The following INO80B variants were observed in gnomAD, a reference collection of about 807,000 sequenced individuals.
INO80B encodes the protein IES2 homolog.
Under a neutral mutation model 31.4 loss-of-function variants are expected in INO80B, and 18 were observed. The observed-to-expected ratio is 0.57, with a 90% CI of 0.40 to 0.85. The LOEUF (loss-of-function observed/expected upper bound fraction) is 0.85, where lower values mean the gene tolerates loss of function less well. Ranked by LOEUF, INO80B falls within the 40% of genes least tolerant of loss-of-function variation. The probability of loss-of-function intolerance (pLI) is 0.00; values close to 1 mark genes in which losing one functional copy is unlikely to be tolerated. For synonymous variants in INO80B, 238 were observed against 199.0 expected (o/e 1.20, Z -1.65); for missense variants, 469 against 475.4 (o/e 0.99, Z 0.13).
intron 4 of INO80B, 124 bp from the exon 5 acceptor site, chr2:74,457,210 G>A: frequency 1.1e-6 from 1 of 936,916 alleles, no homozygotes. Context: ...TCCCGCCTCC[G>A]AAGGCCTGCA....
rs1378664613 is a variant in INO80B, at chr2:74,457,766, A to C, written c.973A>C (p.Thr325Pro). 1 of 1,599,602 alleles carries C rather than the reference A, an allele frequency of 6.3e-7. No homozygotes were observed. The highest frequency in any genetic ancestry group is 8.5e-7 in the Non-Finnish European group (1 of 1,179,686). The change falls in exon 5 of 5, where the codon ACA (threonine) becomes CCA (proline). Residue 325 changes from threonine (T) to proline (P), a missense_variant. By Grantham distance (38) the Thr-to-Pro change is conservative. Coordinates refer to ENST00000233331, the MANE Select transcript of INO80B (RefSeq NM_031288.4). The part of the protein sequence containing the change: ...PHPRRYACSR[T>P]GQALCSLQCY... ...TCCGCGCCGCTACGCTTGCTCCCGC[A>C]CAGGCCAGGCACTCTGTAGTCTTCA... is the stretch of plus-strand genomic sequence containing the variant.
intron 1 of INO80B, 63 bp downstream of exon 1, chr2:74,455,237 C>T (rs559135758): frequency 5.7e-6 from 9 of 1,588,634 alleles, no homozygotes; most frequent in African/African-American, 1.3e-5. Flanking sequence ...TCTTGCTCCT[C>T]GGAGAGTCCA....
intron 4 of INO80B, among the ~76,000 whole-genome samples, chr2:74,456,507 G>A (rs1388681922): frequency 2.6e-5 from 4 of 152,226 alleles, no homozygotes; most frequent in South Asian, 4.1e-4. Flanking sequence ...GAAATAGAAA[G>A]TGGCGTAAAC....
At position 74,456,155 on chromosome 2, in the gene INO80B, A is replaced by C. The variant is rs752699404; in HGVS notation, c.423A>C (p.Leu141Phe). The C allele has an allele frequency of 6.2e-7, 1 of 1,612,578 alleles. No homozygotes were observed. The part of the protein sequence containing the change: ...PSPLRDLSGG[L>F]GGQEEEEEQR... ...CACTTCGGGACCTATCAGGAGGGTT[A>C]GGGGGTCAGGAGGAAGAGGAGGAAC... Residue 141 changes from leucine to phenylalanine, a missense_variant, in exon 4 of 5, where the codon TTA becomes TTC. Leu to Phe is a conservative substitution (Grantham distance 22). Around this residue, in one of 3 missense-constraint regions of INO80B, gnomAD observed 223 missense variants for 253.4 expected, o/e 0.88. Coordinates refer to ENST00000233331, the MANE Select transcript of INO80B (RefSeq NM_031288.4).
Position 74,456,348 on chromosome 2 carries a change from G to A in INO80B, c.540+76G>A, listed in dbSNP as rs1572913566. 10 of 1,480,120 alleles carry A rather than the reference G, an allele frequency of 6.8e-6. No individual in the cohort carries two copies. The South Asian group carries it at 8.1e-5, about 12-fold the overall frequency. 91.7% of individuals were successfully genotyped at this position (1,480,120 alleles called of 1,614,324 possible). Reference sequence around the variant, plus strand: ...ACTCTCCACGACCCACGCACTTTGCGTGGCATTGGGGATATCGATAGTAGA... The same window carrying A: ...ACTCTCCACGACCCACGCACTTTGCATGGCATTGGGGATATCGATAGTAGA... On this transcript the variant is annotated intron_variant, in intron 4 of 4. Coordinates refer to ENST00000233331, the MANE Select transcript of INO80B (RefSeq NM_031288.4).
In INO80B at chr2:74,457,727, C is replaced by T. The variant is rs750864653; in HGVS notation, c.934C>T (p.Pro312Ser). The change falls in exon 5 of 5, where the codon CCC becomes TCC. Residue 312 changes from proline to serine, a missense_variant. Pro to Ser is a moderately conservative substitution (Grantham distance 74, BLOSUM62 -1). Transcript: ENST00000233331. ...PSGPPPRCSV[P>S]GCPHPRRYAC... ...AGGCCCGCCGCCGCGCTGCTCTGTC[C>T]CCGGCTGTCCCCATCCGCGCCGCTA... is the stretch of plus-strand genomic sequence containing the variant. 57 of 1,600,398 alleles carry T rather than the reference C, an allele frequency of 3.6e-5. No homozygotes were observed. In the South Asian group the frequency reaches 6.0e-4, roughly 17 times the overall value.
Position 74,457,873 on chromosome 2 carries a change from A to T in INO80B, c.*9A>T, listed in dbSNP as rs1572914883. The T allele has an allele frequency of 2.6e-6, 4 of 1,520,632 alleles. No homozygotes were observed. The highest frequency in any genetic ancestry group is 3.5e-6 in the Non-Finnish European group (4 of 1,141,254). The allele number at this position is 1,520,632 out of a possible 1,614,324, so 94.2% of individuals were successfully genotyped here. On this transcript the variant is annotated 3_prime_UTR_variant, in exon 5 of 5. Coordinates refer to ENST00000233331, the MANE Select transcript of INO80B (RefSeq NM_031288.4). ...CCCTTTTGGCTACGTAAGGCCCTTAACCCGGACTCTGCGCCCCGTCCCATG... is the reference window on the plus strand; with the variant it reads ...CCCTTTTGGCTACGTAAGGCCCTTATCCCGGACTCTGCGCCCCGTCCCATG...
chr2:74,456,124 C>T lies in INO80B; in HGVS notation c.392C>T (p.Pro131Leu). 1 of 1,599,956 alleles carries T rather than the reference C, an allele frequency of 6.3e-7. No homozygotes were observed. The highest frequency in any genetic ancestry group is 8.5e-7 in the Non-Finnish European group (1 of 1,172,968). ...AWLDEDSNLS[P>L]SPLRDLSGGL... ...CCAGATGAAGACAGTAATCTCTCTC[C>T]CTCTCCACTTCGGGACCTATCAGGA... Residue 131 changes from proline (P) to leucine (L), a missense_variant, in exon 4 of 5, where the codon CCC becomes CTC. By Grantham distance (98) the Pro-to-Leu change is moderately conservative. This residue lies in a region of INO80B where 223 missense variants were observed against 253.4 expected (regional missense o/e 0.88). Coordinates refer to ENST00000233331, the MANE Select transcript of INO80B (RefSeq NM_031288.4).
intron 3 of INO80B, 28 bp from the exon 4 acceptor site, chr2:74,456,075 G>A (rs771975786): frequency 1.8e-5 from 29 of 1,576,482 alleles, no homozygotes; most frequent in Non-Finnish European, 2.4e-5. Context: ...GAACAATTCT[G>A]TTTTTCTTTC....
chr2:74,455,984 A>G, intron 3 of INO80B, 48 bp downstream of exon 3: 2 of 1,552,800 alleles, frequency 1.3e-6, no homozygotes, highest in East Asian at 2.2e-5. Context: ...ATACCCGCCT[A>G]AAGAAAGAAG....
In INO80B at chr2:74,455,437, C is replaced by T. The variant is rs776542331; in HGVS notation, c.90C>T (p.Ala30=). 1 of 1,614,090 alleles carries T rather than the reference C, an allele frequency of 6.2e-7. No homozygotes were observed. The highest frequency in any genetic ancestry group is 1.1e-5 in the South Asian group (1 of 91,074). The change falls in exon 2 of 5, where the codon GCC becomes GCT. Residue 30 remains alanine (A), a synonymous_variant. Transcript: ENST00000233331. The part of the protein sequence containing the change: ...GEALELSLAG[A]HGHGVHKKKH... ...CCCTGGAGTTGAGCCTGGCGGGTGC[C>T]CATGGCCATGGAGTGCACAAGAAAA...
Position 74,457,451 on chromosome 2 carries a change from G to T in INO80B, c.658G>T (p.Ala220Ser). The change falls in exon 5 of 5, where the codon GCG becomes TCG. Residue 220 changes from alanine to serine, a missense_variant. Physicochemically the swap from Ala to Ser is moderately conservative, Grantham distance 99. This residue lies in a region of INO80B where 45 missense variants were observed against 70.3 expected (regional missense o/e 0.64). Transcript: ENST00000233331. ...EEMLLKREER[A>S]RKRRLQAARR... ...GATGCTGCTGAAGCGCGAGGAGCGG[G>T]CGCGGAAGCGGCGGCTCCAGGCGGC... 6.4e-7 allele frequency: 1 copy of T among 1,572,532 alleles called. No homozygotes were observed. The highest frequency in any genetic ancestry group is 1.8e-5 in the Admixed American group (1 of 54,264).
In INO80B at chr2:74,457,811, C is replaced by T; in HGVS notation, c.1018C>T (p.Gln340Ter). 1 of 1,590,286 alleles carries T rather than the reference C, an allele frequency of 6.3e-7. No homozygotes were observed. Among genetic ancestry groups the T allele is most frequent in the Non-Finnish European group, 8.5e-7 (1 of 1,176,012 alleles). ...CSLQCYRINL[Q>*]MRLGGPEGPG... Reference sequence around the variant, plus strand: ...TCTTCAGTGCTACCGCATCAACCTGCAGATGCGGCTGGGGGGGCCCGAGGG... The same window carrying T: ...TCTTCAGTGCTACCGCATCAACCTGTAGATGCGGCTGGGGGGGCCCGAGGG... Residue 340 changes from glutamine to a stop codon, truncating the protein, a stop_gained, in exon 5 of 5, where the codon CAG becomes TAG. Transcript: ENST00000233331. LOFTEE classifies it high-confidence loss of function.
intron 4 of INO80B, 29 bp downstream of exon 4, chr2:74,456,301 C>A (rs202221655): frequency 9.3e-6 from 15 of 1,611,468 alleles, no homozygotes; most frequent in African/African-American, 1.3e-5. Context: ...TATTCACTCA[C>A]CAAATGTATA....
chr2:74,455,950 G>C lies in INO80B; in HGVS notation c.370+14G>C, dbSNP rs1310899338. 10 of 1,589,250 alleles carry C rather than the reference G, an allele frequency of 6.3e-6. No individual in the cohort carries two copies. In the Admixed American group the frequency reaches 1.0e-4, roughly 16 times the overall value. ...GTGCCTGGCTGGGTGAGGATCTGGA[G>C]GTGGGGAAACTGGGTTTCTTATTAT... On this transcript the variant is annotated intron_variant, in intron 3 of 4. Transcript: ENST00000233331.
intron 4 of INO80B, 70 bp downstream of exon 4, chr2:74,456,342 C>A: frequency 3.3e-6 from 5 of 1,494,514 alleles, no homozygotes; most frequent in Non-Finnish European, 4.6e-6. Flanking sequence ...GACCCACGCA[C>A]TTTGCGTGGC....
chr2:74,456,701 G>A (rs112892736), intron 4 of INO80B, among the ~76,000 whole-genome samples: 1 of 152,386 alleles, frequency 6.6e-6, no homozygotes, highest in African/African-American at 2.4e-5. Flanking sequence ...GCTGTACGCA[G>A]AGAAGTGACA....
chr2:74,455,142 G>A lies in INO80B; in HGVS notation c.26G>A (p.Ser9Asn), dbSNP rs1671659385. The change falls in exon 1 of 5, where the codon AGC (serine) becomes AAC (asparagine). Residue 9 changes from serine to asparagine, a missense_variant. Ser to Asn is a conservative substitution (Grantham distance 46, BLOSUM62 1). Around this residue, in one of 3 missense-constraint regions of INO80B, gnomAD observed 223 missense variants for 253.4 expected, o/e 0.88. Transcript: ENST00000233331. MSKLWRRGSTSGAMEAPEP... is the reference protein window; with the variant it reads MSKLWRRGNTSGAMEAPEP... ...ATGAGTAAGCTGTGGCGGCGTGGGA[G>A]CACCTCTGGGGCTATGGAGGCCCCT... is the stretch of plus-strand genomic sequence containing the variant. 1.2e-6 allele frequency: 2 copies of A among 1,614,124 alleles called. No individual in the cohort carries two copies. Among genetic ancestry groups the A allele is most frequent in the African/African-American group, 2.7e-5 (2 of 74,948 alleles).
chr2:74,455,297 G>T, intron 1 of INO80B, 109 bp from the exon 2 acceptor site: 1 of 1,521,180 alleles, frequency 6.6e-7, no homozygotes, highest in South Asian at 1.1e-5. Context: ...TGTTGTTATG[G>T]TAACAGCGAG....
Sources: gnomAD v4.1 joint callset for allele counts (sites outside exome capture counted in the v4.1 genomes callset) on GRCh38, gnomAD v4.1.1 for gene constraint, gnomAD v4.1.1 regional missense constraint, MANE v1.5 for transcripts, NCBI Gene and HGNC (gene_info 2026-07-23, HGNC 2026-07-21) for gene names.